The following CD36 variants were observed in gnomAD, a reference collection of about 807,000 sequenced individuals.
CD36 encodes the protein platelet glycoprotein 4.
Under a neutral mutation model 55.2 loss-of-function variants are expected in CD36, and 119 were observed. The observed-to-expected ratio is 2.15, with a 90% CI of 1.86 to 2.51. The LOEUF (loss-of-function observed/expected upper bound fraction) is 2.51, where lower values mean the gene tolerates loss of function less well. CD36 is among the 30% of genes most tolerant of loss of function. The pLI, the probability that CD36 is intolerant of heterozygous loss-of-function variation, is 0.00. For synonymous variants in CD36, 186 were observed against 193.6 expected (o/e 0.96, Z 0.33); for missense variants, 819 against 555.5 (o/e 1.47, Z -4.77).
At chr7:80,646,536 G>A in intron 2 of CD36, 116 bp from the exon 3 acceptor site, 2 of 606,172 alleles carry the variant, frequency 3.3e-6, no homozygotes, top group Non-Finnish European at 2.9e-6. Flanking sequence ...AAAAAGAAAA[G>A]CATTTGTTTA....
At chr7:80,612,033 G>A (rs1792902754) in intron 1 of CD36, among the ~76,000 whole-genome samples, 1 of 152,138 alleles carries the variant, frequency 6.6e-6, no homozygotes, top group Admixed American at 6.5e-5. Context: ...GTGAGTGCTG[G>A]GCCTGTGCCC....
At chr7:80,658,157 G>A (rs1251298503) in intron 4 of CD36, among the ~76,000 whole-genome samples, 1 of 152,032 alleles carries the variant, frequency 6.6e-6, no homozygotes, top group East Asian at 1.9e-4. Context: ...TAGTTTTTAT[G>A]GGTACAAAAA....
chr7:80,626,406 T>C (rs1040716246), intron 1 of CD36, among the ~76,000 whole-genome samples: 17 of 152,156 alleles, frequency 1.1e-4, no homozygotes, highest in Non-Finnish European at 1.5e-5. Flanking sequence ...ATTTACACTG[T>C]CTGCCGGTTA....
intron 1 of CD36, among the ~76,000 whole-genome samples, chr7:80,603,068 G>A (rs767779526): frequency 2.0e-5 from 3 of 152,052 alleles, no homozygotes; most frequent in Non-Finnish European, 2.9e-5. Flanking sequence ...TGTCTTATTT[G>A]TGGGGTGGGG....
chr7:80,603,052 G>GC (rs1211587043), intron 1 of CD36, among the ~76,000 whole-genome samples: 1 of 152,050 alleles, frequency 6.6e-6, no homozygotes, highest in Non-Finnish European at 1.5e-5. Context: ...GAGTGTGGGT[G>GC]CCACATGTCT....
In CD36 at chr7:80,646,605, TG is replaced by T. The variant is rs1795184661; in HGVS notation, c.-89-46del. The T allele has an allele frequency of 3.7e-5, 38 of 1,028,342 alleles. 1 individual carries two copies. The Middle Eastern group carries it at 7.3e-3, about 196-fold the overall frequency. 63.7% of individuals were successfully genotyped at this position (1,028,342 alleles called of 1,614,324 possible). The stretch of plus-strand genomic sequence containing the variant: ...TGTTTTCTTTGTACTTTGATCTTTT[TG>T]TACTGATATTTAAGCTTCTGTTTTA... On this transcript the variant is annotated intron_variant, in intron 2 of 14. Transcript: ENST00000447544.
chr7:80,675,348 C>A (rs1798118570), intron 14 of CD36, among the ~76,000 whole-genome samples: 1 of 152,042 alleles, frequency 6.6e-6, no homozygotes, highest in South Asian at 2.1e-4. Flanking sequence ...AACAAAAAAA[C>A]TTGTCCTAAT....
At chr7:80,644,149 A>G (rs1363405261) in intron 1 of CD36, among the ~76,000 whole-genome samples, 2 of 152,198 alleles carry the variant, frequency 1.3e-5, no homozygotes, top group South Asian at 2.1e-4. Context: ...CCAGCATTAA[A>G]TTACTCATTC....
intron 1 of CD36, among the ~76,000 whole-genome samples, chr7:80,602,803 C>T (rs1267741640): frequency 6.6e-6 from 1 of 151,904 alleles, no homozygotes; most frequent in East Asian, 1.9e-4. Flanking sequence ...AAAATCTGGC[C>T]AATTTGATTA....
chr7:80,666,137 T>A (rs563064715), intron 7 of CD36: 156 of 327,978 alleles, frequency 4.8e-4, no homozygotes, highest in Middle Eastern at 2.1e-3. Flanking sequence ...AAAAAAAAAA[T>A]TTCCCCTAAG....
In CD36 at chr7:80,607,399, A is replaced by AT. The variant is rs952695997; in HGVS notation, c.-184+5027dup. ...TTTCAGCTGCTCTGCCAAAGTTTAC[A>AT]TTTTTTTCATAGCAAAAGCTACAAA... On this transcript the variant is annotated intron_variant, in intron 1 of 13. Transcript: ENST00000309881. 1.4e-4 allele frequency among the ~76,000 whole-genome samples: 22 copies of AT among 152,122 alleles called. 1 individual carries two copies. The highest frequency in any genetic ancestry group is 4.6e-4 in the Admixed American group (7 of 15,272).
At chr7:80,653,527 C>A (rs1795786284) in intron 3 of CD36, among the ~76,000 whole-genome samples, 1 of 152,082 alleles carries the variant, frequency 6.6e-6, no homozygotes. Flanking sequence ...AGGTTGAAAT[C>A]CAGTTGTTGT....
intron 5 of CD36, chr7:80,662,702 C>T (rs1214539960): frequency 2.5e-6 from 1 of 394,062 alleles, no homozygotes; most frequent in East Asian, 5.9e-5. Context: ...GTTTTAAGCC[C>T]CGTATGCCTT....
intron 1 of CD36, among the ~76,000 whole-genome samples, chr7:80,608,714 C>G (rs952738537): frequency 3.3e-5 from 5 of 152,080 alleles, no homozygotes; most frequent in Non-Finnish European, 7.4e-5. Context: ...TAACTTCACA[C>G]CACCCCTAAA....
chr7:80,674,563 T>C (rs567399487), intron 14 of CD36: 4 of 240,698 alleles, frequency 1.7e-5, no homozygotes, highest in Admixed American at 1.1e-4. Context: ...AGAAAAGTCC[T>C]GAACAAAAAT....
At chr7:80,604,392 GC>G (rs1792426664) in intron 1 of CD36, among the ~76,000 whole-genome samples, 1 of 41,686 alleles carries the variant, frequency 2.4e-5, no homozygotes, top group Non-Finnish European at 4.8e-5. Flanking sequence ...TTTTTTTTTA[GC>G]AAAGTATGCC....
chr7:80,674,023 G>GTCAAGTAACTGGAAAAATAAACC lies in CD36; in HGVS notation c.1298_1320dup (p.Leu441LysfsTer2), dbSNP rs779622793. ...GATGAGAAGGCAAACATGTTCAGAA[G>GTCAAGTAACTGGAAAAATAAACC]TCAAGTAACTGGAAAAATAAACCTC... On this transcript the variant is annotated frameshift_variant, in exon 14 of 15. Transcript: ENST00000447544. LOFTEE classifies it high-confidence loss of function. 9.1e-5 allele frequency: 146 copies of GTCAAGTAACTGGAAAAATAAACC among 1,612,222 alleles called. No homozygotes were observed. Among genetic ancestry groups the GTCAAGTAACTGGAAAAATAAACC allele is most frequent in the Non-Finnish European group, 1.2e-4 (137 of 1,178,882 alleles).
exon 1 of CD36, chr7:80,602,231 A>G (rs1257770875): frequency 7.9e-5 from 12 of 152,156 alleles, no homozygotes; most frequent in Admixed American, 3.3e-4. Context: ...CCTTAAGGAT[A>G]GATGAAGGGT....
chr7:80,657,296 C>T (rs1035203513), intron 4 of CD36, among the ~76,000 whole-genome samples: 12 of 152,182 alleles, frequency 7.9e-5, no homozygotes, highest in East Asian at 3.9e-4. Flanking sequence ...TGAGAACCAC[C>T]GTGCTAAATT....
Sources: allele counts gnomAD v4.1 joint callset (sites outside exome capture counted in the v4.1 genomes callset), GRCh38; gene constraint gnomAD v4.1.1; transcripts MANE v1.5; gene names NCBI Gene and HGNC (gene_info 2026-07-23, HGNC 2026-07-21).